The following MAN1C1 variants were observed in gnomAD, a reference collection of about 807,000 sequenced individuals.
MAN1C1 encodes the protein mannosidase alpha class 1C member 1.
Under a neutral mutation model 71.5 loss-of-function variants are expected in MAN1C1, and 49 were observed. That is an observed-to-expected ratio of 0.69 (90% CI 0.54 to 0.87). The LOEUF is 0.87. Ranked by LOEUF, MAN1C1 falls within the 40% of genes least tolerant of loss-of-function variation. The pLI is 0.00. For synonymous variants in MAN1C1, 352 were observed against 343.7 expected, an observed-to-expected ratio of 1.02 and a Z score of -0.27; for missense variants, 743 against 835.0, an observed-to-expected ratio of 0.89 and a Z score of 1.36.
At chr1:25,694,504 G>C (rs983261181) in intron 2 of MAN1C1, among the ~76,000 whole-genome samples, 8 of 152,180 alleles carry the variant, frequency 5.3e-5, no homozygotes, top group African/African-American at 1.9e-4. Context: ...TCACAGGCTG[G>C]GAATGTTCAG....
At chr1:25,722,975 C>T (rs1019277087) in intron 2 of MAN1C1, among the ~76,000 whole-genome samples, 10 of 152,212 alleles carry the variant, frequency 6.6e-5, no homozygotes, top group African/African-American at 2.4e-4. Context: ...TGATTGTGAC[C>T]TGTCTTTTCT....
Position 25,764,972 on chromosome 1 carries a change from C to T in MAN1C1, c.1141+1005C>T, listed in dbSNP as rs542016252. Reference sequence around the variant, plus strand: ...CTGAGGCAGGAGAATCGCTTGAACCCGGGAGGCGGAGGTTGCAGTGAGCCA... The same window carrying T: ...CTGAGGCAGGAGAATCGCTTGAACCTGGGAGGCGGAGGTTGCAGTGAGCCA... On this transcript the variant is annotated intron_variant, in intron 7 of 11. Transcript: ENST00000374332. This position sits in a 1 kb window ranked among gnomAD's most constrained non-coding sequence, Gnocchi z 4.4. 6.6e-5 allele frequency among the ~76,000 whole-genome samples: 10 copies of T among 151,990 alleles called. No homozygotes were observed. Among genetic ancestry groups the T allele is most frequent in the South Asian group, 2.1e-4 (1 of 4,798 alleles).
chr1:25,706,399 CAT>C (rs2046522847), intron 2 of MAN1C1, among the ~76,000 whole-genome samples: 1 of 152,152 alleles, frequency 6.6e-6, no homozygotes, highest in South Asian at 2.1e-4. Flanking sequence ...GAGACGGGAA[CAT>C]GTGGCCACTG....
intron 2 of MAN1C1, among the ~76,000 whole-genome samples, chr1:25,740,136 T>G (rs906346747): frequency 2.6e-5 from 4 of 152,000 alleles, no homozygotes; most frequent in African/African-American, 9.7e-5. Flanking sequence ...CCCCTGGTGA[T>G]GAAGGCTGGG....
At chr1:25,643,253 A>T (rs2982307) in intron 1 of MAN1C1, among the ~76,000 whole-genome samples, 34,261 of 148,816 alleles carry the variant, frequency 0.23, 6,931 homozygotes, top group African/African-American at 0.54. Context: ...TTAATTAATT[A>T]ATTTATTTAC....
At chr1:25,703,055 T>A (rs1214187863) in intron 2 of MAN1C1, among the ~76,000 whole-genome samples, 1 of 152,248 alleles carries the variant, frequency 6.6e-6, no homozygotes, top group Non-Finnish European at 1.5e-5. Flanking sequence ...GTTCATTGGG[T>A]CTGGAGCTGG....
intron 1 of MAN1C1, among the ~76,000 whole-genome samples, chr1:25,666,557 C>T (rs912269632): frequency 1.3e-5 from 2 of 152,132 alleles, no homozygotes; most frequent in African/African-American, 4.8e-5. Flanking sequence ...GAGTAGAAGC[C>T]ATCCTCCTTA....
intron 2 of MAN1C1, among the ~76,000 whole-genome samples, chr1:25,742,618 C>T (rs374412238): frequency 5.3e-5 from 8 of 152,236 alleles, no homozygotes; most frequent in Non-Finnish European, 5.9e-5. Flanking sequence ...CATGCCAGCC[C>T]TTGTCCATCA....
intron 9 of MAN1C1, among the ~76,000 whole-genome samples, chr1:25,780,193 A>G (rs1169070881): frequency 6.6e-6 from 1 of 152,242 alleles, no homozygotes; most frequent in African/African-American, 2.4e-5. Flanking sequence ...GAAATAGTGT[A>G]TTAAAGCACC....
At chr1:25,679,558 TAA>T (rs35048799) in intron 1 of MAN1C1, among the ~76,000 whole-genome samples, 58 of 135,072 alleles carry the variant, frequency 4.3e-4, no homozygotes, top group Admixed American at 6.0e-4. Context: ...CTAAATGAGT[TAA>T]AAAAAAAAAA....
chr1:25,669,341 C>T (rs547611105), intron 1 of MAN1C1, among the ~76,000 whole-genome samples: 5 of 152,264 alleles, frequency 3.3e-5, no homozygotes, highest in East Asian at 3.9e-4. Context: ...GTTACTGAAC[C>T]GCTCTGAACC....
chr1:25,692,284 G>A (rs2046318942), intron 2 of MAN1C1, among the ~76,000 whole-genome samples: 1 of 152,254 alleles, frequency 6.6e-6, no homozygotes, highest in Admixed American at 6.5e-5. Flanking sequence ...AGCATTAGCA[G>A]GGGGAAACTG....
rs529413313 is a variant in MAN1C1 at position 25,632,895 on chromosome 1, G to A, written c.540+14558G>A. On this transcript the variant is annotated intron_variant, in intron 1 of 11. Coordinates refer to ENST00000374332, the MANE Select transcript of MAN1C1 (RefSeq NM_020379.4). ...TTTTTTTTTTTTTTTTTGAGACGGA[G>A]TCTTGCTCTGTCACCAGTCTGGAGT... 3.0e-4 allele frequency among the ~76,000 whole-genome samples: 41 copies of A among 137,202 alleles called. No individual in the cohort carries two copies. In the South Asian group the frequency reaches 4.3e-3, roughly 14 times the overall value. 90.0% of individuals were successfully genotyped at this position (137,202 alleles called of 152,430 possible).
chr1:25,757,690 G>A (rs562285103), intron 5 of MAN1C1, among the ~76,000 whole-genome samples: 5 of 152,316 alleles, frequency 3.3e-5, no homozygotes, highest in East Asian at 1.9e-4. Flanking sequence ...CCAGCTGAGC[G>A]ACACTTGAAC....
At chr1:25,637,975 TG>T (rs1175991526) in intron 1 of MAN1C1, among the ~76,000 whole-genome samples, 1 of 152,120 alleles carries the variant, frequency 6.6e-6, no homozygotes, top group African/African-American at 2.4e-5. Flanking sequence ...TAATTGGGTC[TG>T]GCTTTTTGAA....
chr1:25,723,181 C>T (rs1387264591), intron 2 of MAN1C1, among the ~76,000 whole-genome samples: 1 of 152,222 alleles, frequency 6.6e-6, no homozygotes, highest in South Asian at 2.1e-4. Context: ...ACCGCCTCTG[C>T]TCCCAGGATG....
In MAN1C1 at chr1:25,618,090, G is replaced by C; in HGVS notation, c.293G>C (p.Ser98Thr). The change falls in exon 1 of 12, where the codon AGC becomes ACC. Residue 98 changes from serine (S) to threonine (T), a missense_variant. Physicochemically the swap from Ser to Thr is moderately conservative, Grantham distance 58 (BLOSUM62 1). Transcript: ENST00000374332. ...APAPGEDDPS[S>T]WASPRRRKGG... ...GCCCCGGGCGAGGATGACCCCAGCA[G>C]CTGGGCCAGTCCCCGCCGCAGGAAA... 1 of 1,521,692 alleles carries C rather than the reference G, an allele frequency of 6.6e-7. No individual in the cohort carries two copies. Among genetic ancestry groups the C allele is most frequent in the Non-Finnish European group, 8.8e-7 (1 of 1,141,282 alleles). 94.3% of individuals were successfully genotyped at this position (1,521,692 alleles called of 1,614,324 possible). A position where few individuals can be genotyped will look rare whatever the true frequency, so the allele number is the denominator to read the frequency against.
At chr1:25,689,206 A>G (rs2046273953) in intron 2 of MAN1C1, among the ~76,000 whole-genome samples, 1 of 151,568 alleles carries the variant, frequency 6.6e-6, no homozygotes, top group South Asian at 2.1e-4. Flanking sequence ...TGCACTGGCA[A>G]CCCTTCCTGG....
chr1:25,638,288 G>A (rs2045491761), intron 1 of MAN1C1, among the ~76,000 whole-genome samples: 1 of 151,992 alleles, frequency 6.6e-6, no homozygotes, highest in Non-Finnish European at 1.5e-5. Context: ...TATAATGTAA[G>A]CCCTTTCAAC....
Sources: allele counts gnomAD v4.1 joint callset (sites outside exome capture counted in the v4.1 genomes callset), GRCh38; gene constraint gnomAD v4.1.1; non-coding constraint Gnocchi (gnomAD v3.1); transcripts MANE v1.5; gene names NCBI Gene and HGNC (gene_info 2026-07-23, HGNC 2026-07-21).